Variants in CAMTA1 observed in about 807,000 individuals in gnomAD.
The protein encoded by CAMTA1 is calmodulin-binding transcription activator 1.
CAMTA1 carries 27 observed loss-of-function variants against 170.9 expected under a neutral mutation model. The observed-to-expected ratio is 0.16, with a 90% CI of 0.12 to 0.22. The LOEUF is 0.22. Among genes scored for constraint, CAMTA1 ranks in the 10% least tolerant of loss-of-function variants. The pLI is 1.00. For missense variants in CAMTA1, 1,619 were observed against 2,217.2 expected, an observed-to-expected ratio of 0.73 and a Z score of 5.42; for synonymous variants, 833 against 891.5, an observed-to-expected ratio of 0.93 and a Z score of 1.17.
chr1:7,000,742 A>G (rs79101125), intron 3 of CAMTA1, among the ~76,000 whole-genome samples: 3,399 of 152,214 alleles, frequency 0.022, 118 homozygotes, highest in African/African-American at 0.078. Flanking sequence ...ACCTCCCCCA[A>G]TTCCTGCTCA....
intron 4 of CAMTA1, among the ~76,000 whole-genome samples, chr1:7,097,294 G>A (rs926372804): frequency 6.6e-6 from 1 of 152,228 alleles, no homozygotes; most frequent in Non-Finnish European, 1.5e-5. Flanking sequence ...GGGCTTTGAT[G>A]GGGTGGAGTT....
chr1:7,287,122 T>G (rs1312391079), intron 5 of CAMTA1, among the ~76,000 whole-genome samples: 4 of 152,192 alleles, frequency 2.6e-5, no homozygotes, highest in Non-Finnish European at 5.9e-5. Flanking sequence ...TAAGTTATTT[T>G]TATCAGGAAA....
chr1:7,124,372 G>T (rs191013754), intron 4 of CAMTA1, among the ~76,000 whole-genome samples: 2 of 152,318 alleles, frequency 1.3e-5, no homozygotes, highest in African/African-American at 4.8e-5. Flanking sequence ...TTCCCTGCTA[G>T]AATATTCTAT....
rs1445792404 is a variant in CAMTA1 at position 7,494,053 on chromosome 1, T to G, written c.510+26152T>G. On this transcript the variant is annotated intron_variant, in intron 6 of 22. Transcript: ENST00000303635. Reference sequence around the variant, plus strand: ...GTGCATTTTAAACACGTTTCCAAACTGGGTTCATTCTGCCTTTGATAGGGA... The same window carrying G: ...GTGCATTTTAAACACGTTTCCAAACGGGGTTCATTCTGCCTTTGATAGGGA... Among the ~76,000 whole-genome samples the G allele has an allele frequency of 5.9e-5, 9 of 151,916 alleles. No homozygotes were observed. In the East Asian group the frequency reaches 1.7e-3, roughly 29 times the overall value.
rs3222190 is a variant in CAMTA1, at chr1:7,547,348, G to GCACACACACACACACACACA, written c.510+79470_510+79489dup. Among the ~76,000 whole-genome samples the GCACACACACACACACACACA allele has an allele frequency of 1.4e-5, 2 of 144,006 alleles. No individual in the cohort carries two copies. The highest frequency in any genetic ancestry group is 5.2e-5 in the African/African-American group (2 of 38,196). 94.5% of individuals were successfully genotyped at this position (144,006 alleles called of 152,430 possible). A position where few individuals can be genotyped will look rare whatever the true frequency, so the allele number is the denominator to read the frequency against. On this transcript the variant is annotated intron_variant, in intron 6 of 22. Coordinates refer to ENST00000303635, the MANE Select transcript of CAMTA1 (RefSeq NM_015215.4). The surrounding 1 kb of genome is among the most constrained non-coding windows in gnomAD (Gnocchi z 5.7). ...GAGCTGGGGAATATATGTATCATAT[G>GCACACACACACACACACACA]CACACACACACACACACACACACAC... is the stretch of plus-strand genomic sequence containing the variant.
At chr1:7,432,772 T>TAGA (rs2092218432) in intron 5 of CAMTA1, among the ~76,000 whole-genome samples, 1 of 152,242 alleles carries the variant, frequency 6.6e-6, no homozygotes, top group African/African-American at 2.4e-5. Flanking sequence ...GCCCTGCATC[T>TAGA]CCTGTTATCT....
intron 4 of CAMTA1, among the ~76,000 whole-genome samples, chr1:7,159,789 C>T (rs1349014742): frequency 6.6e-6 from 1 of 152,140 alleles, no homozygotes; most frequent in African/African-American, 2.4e-5. Context: ...CTCAAGTGAT[C>T]CTCCTGCCTT....
At chr1:7,516,999 A>G (rs2149933795) in intron 6 of CAMTA1, among the ~76,000 whole-genome samples, 1 of 152,342 alleles carries the variant, frequency 6.6e-6, no homozygotes, top group Non-Finnish European at 1.5e-5. Flanking sequence ...TTCCAAAGAT[A>G]GTAACTCTTC....
chr1:7,246,408 T>C (rs1016572735), intron 4 of CAMTA1, among the ~76,000 whole-genome samples: 4 of 152,142 alleles, frequency 2.6e-5, no homozygotes, highest in African/African-American at 9.7e-5. Context: ...AAATCAACAA[T>C]AACTGGAAGT....
intron 3 of CAMTA1, among the ~76,000 whole-genome samples, chr1:6,836,992 C>G (rs1463224861): frequency 1.3e-5 from 2 of 149,190 alleles, no homozygotes; most frequent in African/African-American, 4.9e-5. Context: ...GGCTGGAGTG[C>G]AGTGGCGCAA....
intron 11 of CAMTA1, among the ~76,000 whole-genome samples, chr1:7,687,868 TG>T (rs1037734762): frequency 5.3e-5 from 8 of 152,172 alleles, no homozygotes; most frequent in African/African-American, 1.9e-4. Flanking sequence ...GTATCAGACC[TG>T]GTGGAGACAG....
At chr1:7,749,525 T>C (rs2096880679) in intron 19 of CAMTA1, among the ~76,000 whole-genome samples, 1 of 151,812 alleles carries the variant, frequency 6.6e-6, no homozygotes, top group South Asian at 2.1e-4. Context: ...TTCCAAAATA[T>C]GAGTTTGGTT....
intron 3 of CAMTA1, among the ~76,000 whole-genome samples, chr1:6,927,122 T>C (rs898914531): frequency 4.6e-5 from 7 of 151,966 alleles, no homozygotes; most frequent in Admixed American, 3.9e-4. Flanking sequence ...ACTCTAGGGC[T>C]CAGGTGATCC....
At position 6,798,585 on chromosome 1, in the gene CAMTA1, T is replaced by A. The variant is rs994213428; in HGVS notation, c.45+13010T>A. ...GGCGCCCACCACCACACCTGGCTAA[T>A]TTTTTTTTTTTTTTTTTTTTTTGAG... On this transcript the variant is annotated intron_variant, in intron 1 of 22. Coordinates refer to ENST00000303635, the MANE Select transcript of CAMTA1 (RefSeq NM_015215.4). Among the ~76,000 whole-genome samples, 53 of 105,092 alleles carry A rather than the reference T, an allele frequency of 5.0e-4. 2 individuals carry two copies. In the East Asian group the frequency reaches 0.01, roughly 20 times the overall value. The allele number at this position is 105,092 out of a possible 152,430, so 68.9% of individuals were successfully genotyped here.
chr1:7,006,689 C>A (rs1045626391), intron 3 of CAMTA1, among the ~76,000 whole-genome samples: 1 of 152,192 alleles, frequency 6.6e-6, no homozygotes, highest in African/African-American at 2.4e-5. Context: ...GAGCTCCATT[C>A]ATCCTTCCCG....
Position 7,007,744 on chromosome 1 carries a change from G to A in CAMTA1, c.235-83560G>A, listed in dbSNP as rs939173158. Among the ~76,000 whole-genome samples, 2 of 152,154 alleles carry A rather than the reference G, an allele frequency of 1.3e-5. No homozygotes were observed. Among genetic ancestry groups the A allele is most frequent in the South Asian group, 2.1e-4 (1 of 4,828 alleles). On this transcript the variant is annotated intron_variant, in intron 3 of 22. Coordinates refer to ENST00000303635, the MANE Select transcript of CAMTA1 (RefSeq NM_015215.4). The surrounding 1 kb of genome is among the most constrained non-coding windows in gnomAD (Gnocchi z 4.5). Reference sequence around the variant, plus strand: ...GCTTCTGCCTCTTCCAGTGCTTTCCGACCCTGTGCTTTTCTACCGACTTCT... The same window carrying A: ...GCTTCTGCCTCTTCCAGTGCTTTCCAACCCTGTGCTTTTCTACCGACTTCT...
intron 5 of CAMTA1, among the ~76,000 whole-genome samples, chr1:7,285,682 G>A (rs761825714): frequency 1.2e-4 from 18 of 152,150 alleles, no homozygotes; most frequent in Non-Finnish European, 1.9e-4. Flanking sequence ...GGAACTCGGC[G>A]CACAGGTGAA....
intron 5 of CAMTA1, among the ~76,000 whole-genome samples, chr1:7,313,977 T>G (rs900578238): frequency 6.6e-6 from 1 of 152,122 alleles, no homozygotes; most frequent in Non-Finnish European, 1.5e-5. Flanking sequence ...GAAGACAGTT[T>G]TGCATCAGGA....
intron 4 of CAMTA1, among the ~76,000 whole-genome samples, chr1:7,201,728 A>G (rs887184461): frequency 6.6e-6 from 1 of 152,110 alleles, no homozygotes; most frequent in African/African-American, 2.4e-5. Context: ...CTATTTTTAA[A>G]TTGGGTTACC....
Sources: allele counts gnomAD v4.1 joint callset (sites outside exome capture counted in the v4.1 genomes callset), GRCh38; gene constraint gnomAD v4.1.1; non-coding constraint Gnocchi (gnomAD v3.1); transcripts MANE v1.5; gene names NCBI Gene and HGNC (gene_info 2026-07-23, HGNC 2026-07-21).